Variants in KANSL1 observed in about 807,000 individuals in gnomAD.
The protein encoded by KANSL1 is MLL1/MLL complex subunit KANSL1.
Under a neutral mutation model 103.6 loss-of-function variants are expected in KANSL1, and 22 were observed. The observed-to-expected ratio is 0.21, with a 90% CI of 0.15 to 0.30. The LOEUF (loss-of-function observed/expected upper bound fraction) is 0.30, where lower values mean the gene tolerates loss of function less well. Ranked by LOEUF, KANSL1 falls within the 10% of genes least tolerant of loss-of-function variation. The pLI is 1.00. For missense variants in KANSL1, 1,337 were observed against 1,399.8 expected, an observed-to-expected ratio of 0.96 and a Z score of 0.72; for synonymous variants, 600 against 527.6, an observed-to-expected ratio of 1.14 and a Z score of -1.88.
intron 1 of KANSL1, among the ~76,000 whole-genome samples, chr17:46,179,488 A>T (rs2046680467): frequency 6.6e-6 from 1 of 152,216 alleles, no homozygotes; most frequent in Non-Finnish European, 1.5e-5. Context: ...AAAAGCAAAA[A>T]TCAGATGGGG....
chr17:46,082,592 A>G, intron 3 of KANSL1, 50 bp from the exon 4 acceptor site: 1 of 1,084,438 alleles, frequency 9.2e-7, no homozygotes, highest in Non-Finnish European at 1.4e-6. Context: ...TATAAACTTC[A>G]AATTTAATTT....
In KANSL1 at chr17:46,050,412, G is replaced by A. The variant is rs2077671109; in HGVS notation, c.2020+121C>T. The stretch of plus-strand genomic sequence containing the variant: ...TTTGCAAAATTCTAAGAGAAGACTT[G>A]GTTGACGAAAGTTGTACCTTGAAAG... On this transcript the variant is annotated intron_variant, in intron 7 of 14. Transcript: ENST00000432791. 7 of 1,008,280 alleles carry A rather than the reference G, an allele frequency of 6.9e-6. No individual in the cohort carries two copies. In the East Asian group the frequency reaches 1.8e-4, roughly 26 times the overall value. The allele number at this position is 1,008,280 out of a possible 1,614,324, so 62.5% of individuals were successfully genotyped here.
At chr17:46,153,010 A>G (rs894434160) in intron 2 of KANSL1, 7 of 152,254 alleles carry the variant, frequency 4.6e-5, no homozygotes, top group African/African-American at 1.7e-4. Flanking sequence ...TCTGACATAA[A>G]ACATTACAAA....
chr17:46,067,579 G>T lies in KANSL1; in HGVS notation c.1622C>A (p.Ala541Glu), dbSNP rs1459925218. ...SESLSTKSCGALRPVNGVINT... is the reference protein window; with the variant it reads ...SESLSTKSCGELRPVNGVINT... ...AATAACTCCATTGACAGGTCTGAGT[G>T]CTCCACATGATTTGGTAGACAGTGA... The change falls in exon 5 of 15, where the codon GCA becomes GAA. Residue 541 changes from alanine (A) to glutamate (E), a missense_variant. Transcript: ENST00000432791. 1 of 1,604,432 alleles carries T rather than the reference G, an allele frequency of 6.2e-7. No homozygotes were observed.
At chr17:46,170,577 G>A (rs998087316) in intron 2 of KANSL1, 27 of 465,690 alleles carry the variant, frequency 5.8e-5, no homozygotes, top group Middle Eastern at 1.1e-3. Flanking sequence ...AGAGGTACTA[G>A]TACAATTTTA....
chr17:46,218,600 T>G (rs2048413666), intron 1 of KANSL1, among the ~76,000 whole-genome samples: 1 of 152,002 alleles, frequency 6.6e-6, no homozygotes, highest in Admixed American at 6.6e-5. Flanking sequence ...CTGGCCAACA[T>G]AGTGAAACCC....
At chr17:46,206,537 G>A (rs1463168322) in intron 1 of KANSL1, among the ~76,000 whole-genome samples, 1 of 152,200 alleles carries the variant, frequency 6.6e-6, no homozygotes, top group African/African-American at 2.4e-5. Context: ...ACTAGCCAGG[G>A]CAACAAAGCA....
intron 1 of KANSL1, among the ~76,000 whole-genome samples, chr17:46,203,590 C>T (rs899045116): frequency 3.3e-5 from 5 of 152,136 alleles, no homozygotes; most frequent in East Asian, 1.9e-4. Context: ...CTCATTGATA[C>T]GTTAAATGAT....
chr17:46,207,867 T>C (rs535011874), intron 1 of KANSL1, among the ~76,000 whole-genome samples: 18 of 152,212 alleles, frequency 1.2e-4, no homozygotes, highest in Admixed American at 6.5e-4. Context: ...TCCCAGCACT[T>C]TGGGAGGCTG....
intron 1 of KANSL1, among the ~76,000 whole-genome samples, chr17:46,213,711 A>T (rs1373441474): frequency 6.6e-6 from 1 of 151,296 alleles, no homozygotes; most frequent in Non-Finnish European, 1.5e-5. Context: ...TGAGGTCAGG[A>T]GTTCAAGACC....
intron 2 of KANSL1, among the ~76,000 whole-genome samples, chr17:46,119,471 T>C (rs557657706): frequency 1.5e-4 from 23 of 152,246 alleles, no homozygotes; most frequent in Middle Eastern, 3.4e-3. Flanking sequence ...CACGTCCAGC[T>C]AATTTTTGTA....
intron 10 of KANSL1, chr17:46,034,907 A>C (rs1030668296): frequency 1.3e-5 from 2 of 152,330 alleles, no homozygotes; most frequent in African/African-American, 4.8e-5. Context: ...GCTGTATCAA[A>C]GGAGATGAAT....
At chr17:46,162,967 CCTT>C (rs1288183046) in intron 2 of KANSL1, among the ~76,000 whole-genome samples, 1 of 152,176 alleles carries the variant, frequency 6.6e-6, no homozygotes, top group Non-Finnish European at 1.5e-5. Flanking sequence ...CCCACCAATT[CCTT>C]CTTATCCTTC....
chr17:46,137,004 C>CA (rs1369767444), intron 2 of KANSL1, among the ~76,000 whole-genome samples: 1 of 152,204 alleles, frequency 6.6e-6, no homozygotes, highest in Admixed American at 6.5e-5. Flanking sequence ...CAGATTAAAA[C>CA]ACTTCTCTTG....
At chr17:46,208,957 G>A (rs1278874241) in intron 1 of KANSL1, among the ~76,000 whole-genome samples, 1 of 152,140 alleles carries the variant, frequency 6.6e-6, no homozygotes, top group African/African-American at 2.4e-5. Context: ...GATCATTTGA[G>A]GTCAGGAGTT....
chr17:46,165,147 A>T (rs1470002338), intron 2 of KANSL1, among the ~76,000 whole-genome samples: 2 of 152,264 alleles, frequency 1.3e-5, no homozygotes, highest in East Asian at 3.8e-4. Context: ...AAAGTAAAAA[A>T]TGACAAAGCA....
At chr17:46,052,166 T>C (rs1255369797) in intron 6 of KANSL1, among the ~76,000 whole-genome samples, 1 of 151,896 alleles carries the variant, frequency 6.6e-6, no homozygotes, top group Non-Finnish European at 1.5e-5. Flanking sequence ...TTTAGGAAAA[T>C]TGGTTAGGAT....
chr17:46,110,858 T>A (rs2042772562), intron 2 of KANSL1, among the ~76,000 whole-genome samples: 2 of 152,022 alleles, frequency 1.3e-5, no homozygotes, highest in South Asian at 4.1e-4. Flanking sequence ...AAATGCACAG[T>A]CAGAAAAGTA....
intron 1 of KANSL1, among the ~76,000 whole-genome samples, chr17:46,200,909 CT>C (rs112647480): frequency 1.3e-3 from 190 of 146,724 alleles, no homozygotes; most frequent in Middle Eastern, 3.6e-3. Flanking sequence ...AAGGGAATTA[CT>C]TTTTTTTTTT....
Sources: allele counts gnomAD v4.1 joint callset (sites outside exome capture counted in the v4.1 genomes callset), GRCh38; gene constraint gnomAD v4.1.1; transcripts MANE v1.5; gene names NCBI Gene and HGNC (gene_info 2026-07-23, HGNC 2026-07-21).